Variants in PKP2 observed in about 807,000 individuals in gnomAD.
The protein encoded by PKP2 is plakophilin 2, also known as plakophilin-2.
PKP2 carries 73 observed loss-of-function variants against 83.4 expected under a neutral mutation model. That is an observed-to-expected ratio of 0.88 (90% CI 0.72 to 1.06). The LOEUF (loss-of-function observed/expected upper bound fraction) is 1.06. Among genes scored for constraint, PKP2 ranks in the 50% least tolerant of loss-of-function variants. The probability of loss-of-function intolerance (pLI) is 0.00; values close to 1 mark genes in which losing one functional copy is unlikely to be tolerated. For missense variants in PKP2, 966 were observed against 1,065.4 expected (o/e 0.91, Z 1.30); for synonymous variants, 409 against 430.4 (o/e 0.95, Z 0.62).
intron 1 of PKP2, 44 bp downstream of exon 1, chr12:32,896,455 GGTGACCGGGT>G: frequency 7.6e-7 from 1 of 1,324,022 alleles, no homozygotes; most frequent in Non-Finnish European, 1.0e-6. Flanking sequence ...GATAGGAGGA[GGTGACCGGGT>G]GTGGGGCAGG....
intron 1 of PKP2, among the ~76,000 whole-genome samples, chr12:32,890,874 C>T (rs1275973166): frequency 6.6e-6 from 1 of 150,892 alleles, no homozygotes; most frequent in African/African-American, 2.4e-5. Flanking sequence ...GCAGGAAAAT[C>T]GCTTGAACTC....
intron 4 of PKP2, among the ~76,000 whole-genome samples, chr12:32,858,098 T>A (rs1204839846): frequency 1.1e-3 from 113 of 99,084 alleles, no homozygotes; most frequent in Non-Finnish European, 1.4e-3. Context: ...TATATATATA[T>A]ATATATATAT....
At chr12:32,830,210 T>C (rs1315294756) in intron 6 of PKP2, among the ~76,000 whole-genome samples, 2 of 152,192 alleles carry the variant, frequency 1.3e-5, no homozygotes, top group African/African-American at 4.8e-5. Context: ...CTCTTGTTAT[T>C]TGAGATTTAG....
chr12:32,848,723 T>G (rs1279633719), intron 5 of PKP2, among the ~76,000 whole-genome samples: 1 of 152,094 alleles, frequency 6.6e-6, no homozygotes, highest in Non-Finnish European at 1.5e-5. Context: ...ACAGGACCAT[T>G]CGTATCCCAA....
At chr12:32,799,262 A>G (rs556884653) in intron 10 of PKP2, among the ~76,000 whole-genome samples, 2 of 152,342 alleles carry the variant, frequency 1.3e-5, no homozygotes, top group African/African-American at 4.8e-5. Flanking sequence ...AAGAATGACC[A>G]TAATTTAAAA....
At chr12:32,853,394 G>GA (rs79409951) in intron 4 of PKP2, among the ~76,000 whole-genome samples, 9,073 of 87,688 alleles carry the variant, frequency 0.1, 844 homozygotes, top group East Asian at 0.54. Context: ...TTCCTTAAAC[G>GA]AAAAAAAAAA....
At chr12:32,837,291 C>T (rs934727094) in intron 6 of PKP2, among the ~76,000 whole-genome samples, 5 of 152,138 alleles carry the variant, frequency 3.3e-5, no homozygotes, top group Non-Finnish European at 5.9e-5. Context: ...GACAAGCTTC[C>T]GGCATTTGAG....
chr12:32,834,703 T>TGG (rs144348441), intron 6 of PKP2, among the ~76,000 whole-genome samples: 1 of 151,668 alleles, frequency 6.6e-6, no homozygotes, highest in African/African-American at 2.4e-5. Context: ...GAAAGAAGAC[T>TGG]GGGGGGGAGG....
intron 1 of PKP2, among the ~76,000 whole-genome samples, chr12:32,882,827 C>T (rs906666638): frequency 1.3e-5 from 2 of 152,104 alleles, no homozygotes; most frequent in Non-Finnish European, 2.9e-5. Flanking sequence ...ATTTAATAGT[C>T]AGGGTTGATT....
rs1231881755 is a variant in PKP2 at position 32,896,773 on chromosome 12, C to G, written c.-42G>C. ...ACCGAGCTGCTCGCCTGCCTCTGGACTCGCGGGCGAAGCCGCCACGGAGCT... is the reference window on the plus strand; with the variant it reads ...ACCGAGCTGCTCGCCTGCCTCTGGAGTCGCGGGCGAAGCCGCCACGGAGCT... On this transcript the variant is annotated 5_prime_UTR_variant, in exon 1 of 13. Coordinates refer to ENST00000340811, the MANE Select transcript of PKP2 (RefSeq NM_001005242.3). 13 of 1,121,856 alleles carry G rather than the reference C, an allele frequency of 1.2e-5. No individual in the cohort carries two copies. Among genetic ancestry groups the G allele is most frequent in the Non-Finnish European group, 1.5e-5 (13 of 842,042 alleles). The allele number at this position is 1,121,856 out of a possible 1,614,324, so 69.5% of individuals were successfully genotyped here.
chr12:32,801,896 A>G (rs967247590), intron 10 of PKP2, among the ~76,000 whole-genome samples: 11 of 152,230 alleles, frequency 7.2e-5, no homozygotes, highest in African/African-American at 2.7e-4. Flanking sequence ...TGCTATATTC[A>G]GTGACTCCTT....
rs955019375 is a variant in PKP2, at chr12:32,853,657, C to G, written c.1171-2684G>C. ...TCCCTAATTGCAGGGATTACAGGCG[C>G]GCCCTACCATGCCCAGCTAATTTTT... On this transcript the variant is annotated intron_variant, in intron 4 of 12. Coordinates refer to ENST00000340811, the MANE Select transcript of PKP2 (RefSeq NM_001005242.3). 2.0e-5 allele frequency among the ~76,000 whole-genome samples: 3 copies of G among 152,184 alleles called. No homozygotes were observed. In the East Asian group the frequency reaches 5.8e-4, roughly 30 times the overall value.
intron 5 of PKP2, among the ~76,000 whole-genome samples, chr12:32,849,311 G>A (rs533209902): frequency 6.6e-6 from 1 of 152,228 alleles, no homozygotes; most frequent in African/African-American, 2.4e-5. Context: ...CAGCCTCCTA[G>A]GCTCAAGCAA....
intron 11 of PKP2, among the ~76,000 whole-genome samples, chr12:32,794,817 G>A (rs1956106182): frequency 6.6e-6 from 1 of 152,184 alleles, no homozygotes; most frequent in African/African-American, 2.4e-5. Flanking sequence ...CCAGTGCTCA[G>A]GGCTTGTTTT....
intron 9 of PKP2, among the ~76,000 whole-genome samples, chr12:32,814,559 C>T (rs1956304102): frequency 6.6e-6 from 1 of 152,134 alleles, no homozygotes; most frequent in South Asian, 2.1e-4. Context: ...TTCCTTACAC[C>T]TCAAGTTATC....
At chr12:32,799,834 C>T (rs140950634) in intron 10 of PKP2, among the ~76,000 whole-genome samples, 67 of 152,298 alleles carry the variant, frequency 4.4e-4, no homozygotes, top group Middle Eastern at 6.8e-3. Flanking sequence ...GTACAGTGTA[C>T]ACTGCTCAGG....
intron 9 of PKP2, among the ~76,000 whole-genome samples, chr12:32,814,666 G>A (rs999182738): frequency 1.8e-4 from 27 of 152,142 alleles, no homozygotes; most frequent in African/African-American, 6.3e-4. Context: ...GCTCAAGCCT[G>A]TAATCCCAGC....
At chr12:32,812,793 C>T (rs1190105240) in intron 9 of PKP2, among the ~76,000 whole-genome samples, 1 of 152,146 alleles carries the variant, frequency 6.6e-6, no homozygotes, top group Non-Finnish European at 1.5e-5. Flanking sequence ...CGTGAGCCAC[C>T]GTGCCTGGCC....
chr12:32,881,994 G>A (rs1956990890), intron 1 of PKP2, among the ~76,000 whole-genome samples: 1 of 152,146 alleles, frequency 6.6e-6, no homozygotes, highest in South Asian at 2.1e-4. Flanking sequence ...GGGGGCCAGA[G>A]TACCCTCAGC....
Sources: gnomAD v4.1 joint callset for allele counts (sites outside exome capture counted in the v4.1 genomes callset) on GRCh38, gnomAD v4.1.1 for gene constraint, MANE v1.5 for transcripts, NCBI Gene and HGNC (gene_info 2026-07-23, HGNC 2026-07-21) for gene names.